CDH13: variants seen among roughly 807,000 people sequenced by gnomAD.
CDH13 encodes the protein cadherin 13.
Under a neutral mutation model 63.8 loss-of-function variants are expected in CDH13, and 24 were observed. That is an observed-to-expected ratio of 0.38 (90% confidence interval 0.27 to 0.53). The LOEUF is 0.53. Among genes scored for constraint, CDH13 ranks in the 20% least tolerant of loss-of-function variants. The probability of loss-of-function intolerance (pLI) is 0.85; values close to 1 mark genes in which losing one functional copy is unlikely to be tolerated. For missense variants in CDH13, 1,049 were observed against 903.1 expected, an observed-to-expected ratio of 1.16 and a Z score of -2.07; for synonymous variants, 503 against 355.3, an observed-to-expected ratio of 1.42 and a Z score of -4.67.
chr16:83,754,851 A>AAT (rs1913377684), intron 11 of CDH13, among the ~76,000 whole-genome samples: 1 of 152,140 alleles, frequency 6.6e-6, no homozygotes, highest in Non-Finnish European at 1.5e-5. Flanking sequence ...AAAATGGACT[A>AAT]ATACATCATC....
intron 7 of CDH13, among the ~76,000 whole-genome samples, chr16:83,588,107 A>G (rs900048060): frequency 6.6e-6 from 1 of 152,184 alleles, no homozygotes; most frequent in African/African-American, 2.4e-5. Flanking sequence ...CATCTGCCTC[A>G]AGGTGGAAAA....
At chr16:83,434,327 G>T (rs1241980142) in intron 6 of CDH13, among the ~76,000 whole-genome samples, 1 of 152,138 alleles carries the variant, frequency 6.6e-6, no homozygotes, top group Non-Finnish European at 1.5e-5. Flanking sequence ...TGGCTAGATA[G>T]CCTTGGCTCT....
intron 2 of CDH13, among the ~76,000 whole-genome samples, chr16:83,030,197 C>G (rs1466533758): frequency 6.6e-6 from 1 of 152,172 alleles, no homozygotes; most frequent in Admixed American, 6.5e-5. Flanking sequence ...TCTGTCCACT[C>G]TCCATATCAG....
chr16:83,215,947 A>G (rs1037610972), intron 4 of CDH13, among the ~76,000 whole-genome samples: 2 of 152,118 alleles, frequency 1.3e-5, no homozygotes, highest in Admixed American at 1.3e-4. Context: ...ACTTATGCCA[A>G]TAATAGTTCT....
intron 3 of CDH13, among the ~76,000 whole-genome samples, chr16:83,075,184 T>C (rs1021754276): frequency 6.6e-6 from 1 of 152,146 alleles, no homozygotes; most frequent in African/African-American, 2.4e-5. Flanking sequence ...ATGCACCCTT[T>C]ATTGGCTTGT....
chr16:82,830,696 G>A (rs1250658170), intron 1 of CDH13, among the ~76,000 whole-genome samples: 2 of 152,154 alleles, frequency 1.3e-5, no homozygotes, highest in East Asian at 1.9e-4. Context: ...GTTTCTTCTA[G>A]CGCTTCATAG....
intron 5 of CDH13, among the ~76,000 whole-genome samples, chr16:83,323,150 CTTCTTTCTTTCTTTCTCTTTCTTTTTTCT>C (rs1567591052): frequency 1.2e-5 from 1 of 86,064 alleles, no homozygotes; most frequent in Non-Finnish European, 2.2e-5. Flanking sequence ...GACCTCCCTA[CTTCTTTCTTTCTTTCTCTTTCTTTTTTCT>C]TTCTTTCTTT....
At chr16:83,768,285 G>T (rs1041898538) in intron 11 of CDH13, among the ~76,000 whole-genome samples, 6 of 151,948 alleles carry the variant, frequency 3.9e-5, no homozygotes, top group Non-Finnish European at 8.8e-5. Flanking sequence ...AAAAATCTCA[G>T]TGTTTTTTAG....
chr16:82,704,727 C>G (rs1398615832), intron 1 of CDH13, among the ~76,000 whole-genome samples: 1 of 152,306 alleles, frequency 6.6e-6, no homozygotes, highest in East Asian at 1.9e-4. Context: ...ATAGCCCTGG[C>G]TTATTAGAAT....
chr16:82,851,021 A>G (rs1035692612), intron 1 of CDH13, among the ~76,000 whole-genome samples: 1 of 152,186 alleles, frequency 6.6e-6, no homozygotes, highest in Non-Finnish European at 1.5e-5. Context: ...CTGGAACCGA[A>G]CCTGCAGTAT....
At chr16:83,207,139 G>A (rs910494720) in intron 4 of CDH13, among the ~76,000 whole-genome samples, 4 of 152,118 alleles carry the variant, frequency 2.6e-5, no homozygotes, top group African/African-American at 9.7e-5. Flanking sequence ...CATGGCAGTG[G>A]CATTAAGTAC....
intron 7 of CDH13, among the ~76,000 whole-genome samples, chr16:83,491,483 C>T (rs960978780): frequency 1.3e-5 from 2 of 151,834 alleles, no homozygotes; most frequent in African/African-American, 4.8e-5. Flanking sequence ...ATCTTGGCTG[C>T]TAGACTGAAA....
intron 1 of CDH13, among the ~76,000 whole-genome samples, chr16:82,792,193 A>C (rs991235166): frequency 2.0e-5 from 3 of 152,138 alleles, no homozygotes; most frequent in Non-Finnish European, 4.4e-5. Flanking sequence ...ATAAGAGATG[A>C]TTCTACCACC....
At chr16:82,967,198 T>C (rs1460134249) in intron 2 of CDH13, among the ~76,000 whole-genome samples, 2 of 152,080 alleles carry the variant, frequency 1.3e-5, no homozygotes, top group Non-Finnish European at 2.9e-5. Context: ...AACACCTAAA[T>C]AATCTCTGCC....
At chr16:83,180,968 C>A in intron 4 of CDH13, 2 of 1,531,814 alleles carry the variant, frequency 1.3e-6, no homozygotes, top group Non-Finnish European at 1.7e-6. Context: ...AATGAACATC[C>A]TATTTGGCGA....
chr16:82,902,320 C>A (rs1350722745), intron 2 of CDH13, among the ~76,000 whole-genome samples: 4 of 151,712 alleles, frequency 2.6e-5, no homozygotes, highest in Admixed American at 2.0e-4. Context: ...TGGAGATTTG[C>A]CTTATAAAAT....
intron 5 of CDH13, among the ~76,000 whole-genome samples, chr16:83,242,649 A>C (rs1904579945): frequency 6.6e-6 from 1 of 152,218 alleles, no homozygotes; most frequent in Admixed American, 6.5e-5. Context: ...TCCTCATAGA[A>C]GAGGCAAAAT....
At chr16:83,324,405 C>T (rs1360100403) in intron 5 of CDH13, among the ~76,000 whole-genome samples, 1 of 152,190 alleles carries the variant, frequency 6.6e-6, no homozygotes, top group Non-Finnish European at 1.5e-5. Flanking sequence ...TAGCATCCAA[C>T]ACCCCCTCTT....
At chr16:82,931,361 C>T (rs956661407) in intron 2 of CDH13, among the ~76,000 whole-genome samples, 2 of 152,140 alleles carry the variant, frequency 1.3e-5, no homozygotes, top group Non-Finnish European at 1.5e-5. Context: ...TTTTCCAATG[C>T]TAAAAATGCA....
Sources: gnomAD v4.1 joint callset for allele counts (sites outside exome capture counted in the v4.1 genomes callset) on GRCh38, gnomAD v4.1.1 for gene constraint, MANE v1.5 for transcripts, NCBI Gene and HGNC (gene_info 2026-07-23, HGNC 2026-07-21) for gene names.